Variants in MYO7B observed in about 807,000 individuals in gnomAD.
MYO7B encodes myosin VIIB, also known as unconventional myosin-VIIb.
A neutral mutation model predicts 259.7 loss-of-function variants in MYO7B; 212 were observed. That is an observed-to-expected ratio of 0.82 (90% CI 0.73 to 0.91). The LOEUF (loss-of-function observed/expected upper bound fraction) is 0.91, where lower values mean the gene tolerates loss of function less well. Ranked by LOEUF, MYO7B falls within the 40% of genes least tolerant of loss-of-function variation. The pLI, the probability that MYO7B is intolerant of heterozygous loss-of-function variation, is 0.00. For missense variants in MYO7B, 2,732 were observed against 2,813.5 expected (o/e 0.97, Z 0.66); for synonymous variants, 1,197 against 1,166.4 (o/e 1.03, Z -0.54).
intron 6 of MYO7B, among the ~76,000 whole-genome samples, chr2:127,572,966 T>C (rs546634135): frequency 3.3e-4 from 50 of 151,752 alleles, no homozygotes; most frequent in Non-Finnish European, 5.0e-4. Context: ...CATCAGATTC[T>C]TTCTTAAAGA....
At position 127,588,443 on chromosome 2, in the gene MYO7B, T is replaced by C. The variant is rs1679387000; in HGVS notation, c.1742T>C (p.Val581Ala). ...CTGAGCACAGATATCCTCACCCTGG[T>C]TTACTCCTCCAAAAACAAGTTTCTG... ...DVLSTDILTLVYSSKNKFLRE... is the reference protein window; with the variant it reads ...DVLSTDILTLAYSSKNKFLRE... Residue 581 changes from valine (V) to alanine (A), a missense_variant, in exon 15 of 48, where the codon GTT (valine) becomes GCT (alanine). Around this residue, in one of 3 missense-constraint regions of MYO7B, gnomAD observed 1,906 missense variants for 2,026.4 expected, o/e 0.94. Transcript: ENST00000409816. 6.2e-7 allele frequency: 1 copy of C among 1,613,162 alleles called. No homozygotes were observed. The highest frequency in any genetic ancestry group is 8.5e-7 in the Non-Finnish European group (1 of 1,179,852).
Position 127,577,836 on chromosome 2 carries a change from C to T in MYO7B, c.850-297C>T, listed in dbSNP as rs1678936064. 6.6e-6 allele frequency among the ~76,000 whole-genome samples: 1 copy of T among 152,240 alleles called. No homozygotes were observed. The highest frequency in any genetic ancestry group is 1.9e-4 in the East Asian group (1 of 5,200). On this transcript the variant is annotated intron_variant, in intron 8 of 47. Transcript: ENST00000409816. The surrounding 1 kb of genome is among the most constrained non-coding windows in gnomAD (Gnocchi z 5.2). Reference sequence around the variant, plus strand: ...AGTGTTTCTTAAAGGAACAAACCCACAGTGTCCCCCAGAGAGACAAGGCAA... The same window carrying T: ...AGTGTTTCTTAAAGGAACAAACCCATAGTGTCCCCCAGAGAGACAAGGCAA...
intron 28 of MYO7B, 55 bp downstream of exon 28, chr2:127,622,156 G>A: frequency 6.6e-7 from 1 of 1,514,908 alleles, no homozygotes; most frequent in Non-Finnish European, 8.9e-7. Context: ...GACCCCCAGG[G>A]ACCCCCAGCA....
rs536080657 is a variant in MYO7B at position 127,590,636 on chromosome 2, G to A, written c.1992+407G>A. 1.3e-5 allele frequency among the ~76,000 whole-genome samples: 2 copies of A among 152,322 alleles called. No homozygotes were observed. The highest frequency in any genetic ancestry group is 4.1e-4 in the South Asian group (2 of 4,830). Reference sequence around the variant, plus strand: ...GGCAGAAATCAGTAATAGGACTTTAGAGGCTGACACCACTCCTTTCACCAG... The same window carrying A: ...GGCAGAAATCAGTAATAGGACTTTAAAGGCTGACACCACTCCTTTCACCAG... On this transcript the variant is annotated intron_variant, in intron 16 of 47. Coordinates refer to ENST00000409816, the MANE Select transcript of MYO7B (RefSeq NM_001393586.1). The surrounding 1 kb of genome is among the most constrained non-coding windows in gnomAD (Gnocchi z 4.6).
In MYO7B at chr2:127,582,013, A is replaced by G. The variant is rs201697115; in HGVS notation, c.1200+3A>G. Reference sequence around the variant, plus strand: ...ACCGGAGGGACGCCTTTGTCAAGGTACAGAGCTGAGAGAGCAGGGCTTACA... The same window carrying G: ...ACCGGAGGGACGCCTTTGTCAAGGTGCAGAGCTGAGAGAGCAGGGCTTACA... On this transcript the variant is annotated splice_donor_region_variant and intron_variant, in intron 11 of 47. Transcript: ENST00000409816. The G allele has an allele frequency of 6.2e-7, 1 of 1,613,750 alleles. No individual in the cohort carries two copies. The highest frequency in any genetic ancestry group is 8.5e-7 in the Non-Finnish European group (1 of 1,179,874).
At chr2:127,617,138 C>G (rs907110048) in intron 26 of MYO7B, among the ~76,000 whole-genome samples, 1 of 152,146 alleles carries the variant, frequency 6.6e-6, no homozygotes, top group African/African-American at 2.4e-5. Context: ...GAAAACCTCC[C>G]AAGTCCTCTG....
intron 3 of MYO7B, 135 bp downstream of exon 3, chr2:127,564,401 A>T (rs1468763882): frequency 9.9e-6 from 6 of 605,260 alleles, no homozygotes; most frequent in Non-Finnish European, 1.7e-5. Flanking sequence ...GGCAGGACAG[A>T]TCACGGTGGA....
intron 41 of MYO7B, 50 bp from the exon 42 acceptor site, chr2:127,634,546 G>A (rs767791757): frequency 1.3e-6 from 2 of 1,517,876 alleles, no homozygotes; most frequent in Non-Finnish European, 1.8e-6. Flanking sequence ...GTTCTCAGGA[G>A]GACAGTCCCC....
At position 127,634,286 on chromosome 2, in the gene MYO7B, C is replaced by T. The variant is rs753231962; in HGVS notation, c.5622C>T (p.Asp1874=). 1.3e-6 allele frequency: 2 copies of T among 1,574,080 alleles called. No homozygotes were observed. The highest frequency in any genetic ancestry group is 1.7e-6 in the Non-Finnish European group (2 of 1,163,218). ...GCAGCCTCTTCATCAAGATTTCAGA[C>T]AAGGTGGGCCGGGCTGGGGCTGGGC... is the stretch of plus-strand genomic sequence containing the variant. ...EGCSLFIKIS[D]KVISQKEGDF... Residue 1874 remains aspartate (D), a synonymous_variant, in exon 41 of 48, where the codon GAC becomes GAT. Transcript: ENST00000409816.
Position 127,585,584 on chromosome 2 carries a change from G to A in MYO7B, c.1690+671G>A, listed in dbSNP as rs1179215006. Among the ~76,000 whole-genome samples, 1 of 152,072 alleles carries A rather than the reference G, an allele frequency of 6.6e-6. No individual in the cohort carries two copies. The highest frequency in any genetic ancestry group is 1.5e-5 in the Non-Finnish European group (1 of 68,014). ...TGGGCATATGTTTTCATTTCCCCTG[G>A]GTATCTACCTAGCAGCAGAATTGCT... On this transcript the variant is annotated intron_variant, in intron 14 of 47. Transcript: ENST00000409816. This position sits in a 1 kb window ranked among gnomAD's most constrained non-coding sequence, Gnocchi z 4.3.
chr2:127,555,291 T>G (rs1295103891), intron 1 of MYO7B, among the ~76,000 whole-genome samples: 2 of 152,232 alleles, frequency 1.3e-5, no homozygotes, highest in Admixed American at 1.3e-4. Flanking sequence ...TGGTTAATCT[T>G]GTTAATGGTC....
rs1681491242 is a variant in MYO7B at position 127,631,293 on chromosome 2, G to A, written c.5025G>A (p.Leu1675=). The A allele has an allele frequency of 1.2e-6, 2 of 1,612,220 alleles. No individual in the cohort carries two copies. Among genetic ancestry groups the A allele is most frequent in the Middle Eastern group, 1.7e-4 (1 of 6,060 alleles). The part of the protein sequence containing the change: ...GHLWAYSCEP[L]RQPLLKRVHA... ...TGTGGGCCTATTCCTGCGAGCCGCT[G>A]CGACAGCCGCTGCTCAAGCGAGTCC... The change falls in exon 37 of 48, where the codon CTG becomes CTA. Residue 1675 remains leucine, a synonymous_variant. Transcript: ENST00000409816.
chr2:127,548,073 C>T (rs1693304254), intron 1 of MYO7B, among the ~76,000 whole-genome samples: 1 of 152,130 alleles, frequency 6.6e-6, no homozygotes, highest in South Asian at 2.1e-4. Context: ...AGGAATTTGT[C>T]CATTTCATCT....
rs1693239696 is a variant in MYO7B at position 127,546,693 on chromosome 2, G to A, written c.-24+10862G>A. ...GACTAAGAAGTCATCCCATTCCCAA[G>A]GGGCAGAAAATTTTAAGCACACCAG... is the stretch of plus-strand genomic sequence containing the variant. On this transcript the variant is annotated intron_variant, in intron 1 of 47. Transcript: ENST00000409816. This position sits in a 1 kb window ranked among gnomAD's most constrained non-coding sequence, Gnocchi z 4.2. 6.6e-6 allele frequency among the ~76,000 whole-genome samples: 1 copy of A among 152,128 alleles called. No homozygotes were observed. The highest frequency in any genetic ancestry group is 2.4e-5 in the African/African-American group (1 of 41,412).
intron 9 of MYO7B, among the ~76,000 whole-genome samples, chr2:127,579,632 CTGGAGTGCAG>C (rs1679021979): frequency 6.6e-6 from 1 of 152,162 alleles, no homozygotes; most frequent in Non-Finnish European, 1.5e-5. Flanking sequence ...GTTGTCCAGG[CTGGAGTGCAG>C]TGGTGGGATC....
Position 127,609,164 on chromosome 2 carries a change from C to A in MYO7B, c.2814+286C>A, listed in dbSNP as rs905164154. Among the ~76,000 whole-genome samples the A allele has an allele frequency of 6.6e-6, 1 of 152,226 alleles. No homozygotes were observed. Among genetic ancestry groups the A allele is most frequent in the Non-Finnish European group, 1.5e-5 (1 of 68,038 alleles). ...TTCCCCGCGTATATTTGACCCCACC[C>A]GGGCACCCCCAGAGCACCTTTGAGG... On this transcript the variant is annotated intron_variant, in intron 22 of 47. Transcript: ENST00000409816. This position sits in a 1 kb window ranked among gnomAD's most constrained non-coding sequence, Gnocchi z 6.9.
rs1414374490 is a variant in MYO7B, at chr2:127,633,274, C to T, written c.5422C>T (p.Gln1808Ter). 6.2e-7 allele frequency: 1 copy of T among 1,611,506 alleles called. No homozygotes were observed. The highest frequency in any genetic ancestry group is 2.2e-5 in the East Asian group (1 of 44,846). Residue 1808 changes from glutamine (Q) to a stop codon, truncating the protein, a stop_gained, in exon 40 of 48, where the codon CAG becomes TAG. Coordinates refer to ENST00000409816, the MANE Select transcript of MYO7B (RefSeq NM_001393586.1). LOFTEE classifies it high-confidence loss of function. ...CCCCCTCAGGACGGGGCCCCGGAAG[C>T]AGCCCCCGCACCAGGTGGAGGTGGA... ...QKVLRTGPRK[Q>*]PPHQVEVEAA...
intron 34 of MYO7B, among the ~76,000 whole-genome samples, chr2:127,629,194 G>A (rs955117247): frequency 1.3e-5 from 2 of 152,204 alleles, no homozygotes; most frequent in Non-Finnish European, 2.9e-5. Flanking sequence ...AGTGAGAAAT[G>A]TCAGCCGAGA....
Position 127,611,543 on chromosome 2 carries a change from G to A in MYO7B, c.3193-707G>A, listed in dbSNP as rs1051645553. Among the ~76,000 whole-genome samples the A allele has an allele frequency of 1.3e-4, 20 of 152,252 alleles. No individual in the cohort carries two copies. The highest frequency in any genetic ancestry group is 3.4e-4 in the African/African-American group (14 of 41,556). On this transcript the variant is annotated intron_variant, in intron 24 of 47. Transcript: ENST00000409816. This position sits in a 1 kb window ranked among gnomAD's most constrained non-coding sequence, Gnocchi z 5.4. ...GCCCAGCAAGCCTCACTGCCCTCACGGACTTTGCCAGCTCATGTGTTTCAT... is the reference window on the plus strand; with the variant it reads ...GCCCAGCAAGCCTCACTGCCCTCACAGACTTTGCCAGCTCATGTGTTTCAT...
Sources: allele counts gnomAD v4.1 joint callset (sites outside exome capture counted in the v4.1 genomes callset), GRCh38; gene constraint gnomAD v4.1.1; regional missense constraint gnomAD v4.1.1; non-coding constraint Gnocchi (gnomAD v3.1); transcripts MANE v1.5; gene names NCBI Gene and HGNC (gene_info 2026-07-23, HGNC 2026-07-21).